SHC3: variants seen among roughly 807,000 people sequenced by gnomAD.
SHC3 encodes the protein SHC-transforming protein 3.
A neutral mutation model predicts 60.4 loss-of-function variants in SHC3; 15 were observed. The observed-to-expected ratio is 0.25, with a 90% CI of 0.17 to 0.38. The LOEUF is 0.38. Among genes scored for constraint, SHC3 ranks in the 10% least tolerant of loss-of-function variants. SHC3 has a pLI of 1.00. For synonymous variants in SHC3, 294 were observed against 325.9 expected (o/e 0.90, Z 1.05); for missense variants, 677 against 786.1 (o/e 0.86, Z 1.66).
chr9:89,031,444 G>A, intron 11 of SHC3, among the ~76,000 whole-genome samples: 1 of 152,028 alleles, frequency 6.6e-6, no homozygotes, highest in Non-Finnish European at 1.5e-5. Context: ...TCTATTTTCG[G>A]TCTCTGTAGA....
At chr9:89,157,363 G>A (rs1826637571) in intron 1 of SHC3, among the ~76,000 whole-genome samples, 1 of 152,222 alleles carries the variant, frequency 6.6e-6, no homozygotes, top group Non-Finnish European at 1.5e-5. Context: ...AGGCCAAAGC[G>A]TTCTCACAGC....
intron 1 of SHC3, among the ~76,000 whole-genome samples, chr9:89,162,140 T>C (rs1346299251): frequency 6.9e-6 from 1 of 145,628 alleles, no homozygotes; most frequent in Non-Finnish European, 1.5e-5. Flanking sequence ...GTAGGAAGAA[T>C]CAATATCGTG....
At chr9:89,057,073 A>G (rs1824964143) in intron 6 of SHC3, among the ~76,000 whole-genome samples, 1 of 152,246 alleles carries the variant, frequency 6.6e-6, no homozygotes, top group Admixed American at 6.5e-5. Context: ...GCAGCTGGCC[A>G]GGGCATGGGG....
At chr9:89,052,001 A>C (rs1824869125) in intron 7 of SHC3, 36 bp downstream of exon 7, 1 of 1,609,652 alleles carries the variant, frequency 6.2e-7, no homozygotes, top group Non-Finnish European at 8.5e-7. Flanking sequence ...TAAAACCCAC[A>C]TAGGCTATTG....
chr9:89,146,668 G>C (rs1826474223), intron 1 of SHC3, among the ~76,000 whole-genome samples: 1 of 152,172 alleles, frequency 6.6e-6, no homozygotes, highest in Non-Finnish European at 1.5e-5. Context: ...TTGGGCTGGA[G>C]TCCTGCCTAC....
intron 1 of SHC3, among the ~76,000 whole-genome samples, chr9:89,119,789 T>A (rs867011233): frequency 1.3e-4 from 20 of 152,080 alleles, no homozygotes; most frequent in South Asian, 8.3e-4. Context: ...CTAAAGTATA[T>A]GTAATAAAAG....
chr9:89,056,587 T>C (rs1283872930), intron 6 of SHC3, among the ~76,000 whole-genome samples: 1 of 152,256 alleles, frequency 6.6e-6, no homozygotes, highest in African/African-American at 2.4e-5. Flanking sequence ...GTACAGTTTC[T>C]CTCCAAGAGG....
chr9:89,031,259 C>T (rs936970196), intron 11 of SHC3, among the ~76,000 whole-genome samples: 11 of 152,206 alleles, frequency 7.2e-5, no homozygotes, highest in African/African-American at 2.7e-4. Context: ...CTAGACACCA[C>T]ATTCATTTAA....
chr9:89,124,366 C>A (rs1826133626), intron 1 of SHC3, among the ~76,000 whole-genome samples: 1 of 152,116 alleles, frequency 6.6e-6, no homozygotes, highest in African/African-American at 2.4e-5. Flanking sequence ...ATAAATCATT[C>A]TACTATAAAG....
At chr9:89,154,766 G>A (rs1297588151) in intron 1 of SHC3, among the ~76,000 whole-genome samples, 6 of 152,234 alleles carry the variant, frequency 3.9e-5, no homozygotes, top group Non-Finnish European at 7.3e-5. Context: ...CTGAGTCAGA[G>A]AGAGGAAGTA....
At chr9:89,066,689 T>C (rs895273628) in intron 5 of SHC3, among the ~76,000 whole-genome samples, 3 of 152,220 alleles carry the variant, frequency 2.0e-5, no homozygotes, top group Non-Finnish European at 4.4e-5. Context: ...CCATATGTCA[T>C]TGCTTTGAAG....
At chr9:89,098,439 T>C (rs971823503) in intron 2 of SHC3, among the ~76,000 whole-genome samples, 3 of 152,212 alleles carry the variant, frequency 2.0e-5, no homozygotes, top group Non-Finnish European at 2.9e-5. Flanking sequence ...GAAAATAACA[T>C]TGTCCTCAGG....
intron 5 of SHC3, among the ~76,000 whole-genome samples, 179 bp downstream of exon 5, chr9:89,071,020 G>T (rs1366290859): frequency 6.6e-6 from 1 of 152,118 alleles, no homozygotes; most frequent in African/African-American, 2.4e-5. Flanking sequence ...CCTTGTCACA[G>T]CTTACCCCTA....
intron 1 of SHC3, among the ~76,000 whole-genome samples, chr9:89,138,246 C>T (rs747817548): frequency 5.3e-5 from 8 of 152,172 alleles, no homozygotes; most frequent in Admixed American, 2.6e-4. Context: ...CATAGAACTA[C>T]GTGAAAGCAA....
Position 89,011,592 on chromosome 9 carries a change from G to T in SHC3, c.*1855C>A, listed in dbSNP as rs1826014085. 6.6e-6 allele frequency: 1 copy of T among 152,256 alleles called. No individual in the cohort carries two copies. Among genetic ancestry groups the T allele is most frequent in the Non-Finnish European group, 1.5e-5 (1 of 68,074 alleles). The allele number at this position is 152,256 out of a possible 1,614,324, so 9.4% of individuals were successfully genotyped here. A position where few individuals can be genotyped will look rare whatever the true frequency, so the allele number is the denominator to read the frequency against. On this transcript the variant is annotated 3_prime_UTR_variant, in exon 12 of 12. Transcript: ENST00000375835. ...GCACCCAAGTCTATGCTGTCTTGGG[G>T]CAGGAGCCTGATGCAGCTGCTGCCA... is the stretch of plus-strand genomic sequence containing the variant.
chr9:89,109,283 G>C lies in SHC3; in HGVS notation c.545+3273C>G, dbSNP rs954040477. On this transcript the variant is annotated intron_variant, in intron 2 of 11. Coordinates refer to ENST00000375835, the MANE Select transcript of SHC3 (RefSeq NM_016848.6). ...GTAGAGGGGTCGCAGAGGATGCATG[G>C]GTGAAGGGGGTCCCTCCTCCGGTCA... 5.4e-6 allele frequency: 4 copies of C among 737,916 alleles called. No individual in the cohort carries two copies. In the African/African-American group the frequency reaches 7.7e-5, roughly 14 times the overall value. 45.7% of individuals were successfully genotyped at this position (737,916 alleles called of 1,614,324 possible).
chr9:89,149,884 T>G (rs1422702308), intron 1 of SHC3, among the ~76,000 whole-genome samples: 1 of 152,182 alleles, frequency 6.6e-6, no homozygotes, highest in African/African-American at 2.4e-5. Flanking sequence ...GAAGCCCCAG[T>G]TGCTCCACCC....
chr9:89,057,879 A>G (rs372794618), intron 6 of SHC3, among the ~76,000 whole-genome samples: 13 of 152,192 alleles, frequency 8.5e-5, no homozygotes, highest in African/African-American at 3.1e-4. Flanking sequence ...GGATCTCGAG[A>G]TGAGATTATC....
rs1825985343 is a variant in SHC3, at chr9:89,009,365, C to T, written c.*4082G>A. The T allele has an allele frequency of 6.6e-6, 1 of 152,204 alleles. No homozygotes were observed. Among genetic ancestry groups the T allele is most frequent in the Admixed American group, 6.5e-5 (1 of 15,282 alleles). The allele number at this position is 152,204 out of a possible 1,614,324, so 9.4% of individuals were successfully genotyped here. On this transcript the variant is annotated 3_prime_UTR_variant, in exon 12 of 12. Transcript: ENST00000375835. ...CACTGCAAGGTCTGTCTGAGTCCTGCAATGACCTCTTTGCAATCTTTCCAC... is the reference window on the plus strand; with the variant it reads ...CACTGCAAGGTCTGTCTGAGTCCTGTAATGACCTCTTTGCAATCTTTCCAC...
Sources: gnomAD v4.1 joint callset for allele counts (sites outside exome capture counted in the v4.1 genomes callset) on GRCh38, gnomAD v4.1.1 for gene constraint, MANE v1.5 for transcripts, NCBI Gene and HGNC (gene_info 2026-07-23, HGNC 2026-07-21) for gene names.